WBP1L: variants seen among roughly 807,000 people sequenced by gnomAD.
WBP1L encodes WW domain binding protein 1-like.
WBP1L carries 17 observed loss-of-function variants against 33.7 expected under a neutral mutation model. The observed-to-expected ratio is 0.50, with a 90% CI of 0.34 to 0.76. The LOEUF (loss-of-function observed/expected upper bound fraction) is 0.76, where lower values mean the gene tolerates loss of function less well. WBP1L is among the 30% of genes least tolerant of loss of function. The probability of loss-of-function intolerance (pLI) is 0.01; values close to 1 mark genes in which losing one functional copy is unlikely to be tolerated. For missense variants in WBP1L, 389 were observed against 469.4 expected (o/e 0.83, Z 1.58); for synonymous variants, 173 against 190.8 (o/e 0.91, Z 0.77).
Position 102,809,999 on chromosome 10 carries a change from C to T in WBP1L, c.300C>T (p.Ile100=), listed in dbSNP as rs1227115137. 6.2e-7 allele frequency: 1 copy of T among 1,613,898 alleles called. No individual in the cohort carries two copies. Among genetic ancestry groups the T allele is most frequent in the African/African-American group, 1.3e-5 (1 of 74,942 alleles). ...AGGCCCAGCAGCGGCAACATGAAAT[C>T]AACCTGATCGCTTACCGAGAAGCCC... ...RLQAQQRQHE[I]NLIAYREAHN... Residue 100 remains isoleucine (I), a synonymous_variant, in exon 3 of 4, where the codon ATC becomes ATT. Transcript: ENST00000448841.
chr10:102,801,456 A>T (rs1387768199), intron 2 of WBP1L, among the ~76,000 whole-genome samples: 1 of 152,214 alleles, frequency 6.6e-6, no homozygotes, highest in African/African-American at 2.4e-5. Context: ...TGCAATTGTA[A>T]CAAGTTCCTA....
intron 1 of WBP1L, among the ~76,000 whole-genome samples, chr10:102,745,110 G>C (rs1225080879): frequency 6.6e-6 from 1 of 152,098 alleles, no homozygotes; most frequent in Non-Finnish European, 1.5e-5. Context: ...TTTCAGAAAG[G>C]CATACACACA....
intron 2 of WBP1L, among the ~76,000 whole-genome samples, chr10:102,807,991 G>C (rs7905248): frequency 1.3e-4 from 20 of 152,026 alleles, no homozygotes; most frequent in African/African-American, 4.6e-4. Flanking sequence ...AGGATCTCTT[G>C]AGCCCAGGGT....
At chr10:102,772,971 T>A (rs1178413839) in intron 1 of WBP1L, among the ~76,000 whole-genome samples, 1 of 150,660 alleles carries the variant, frequency 6.6e-6, no homozygotes, top group Admixed American at 6.6e-5. Context: ...TTGAATTTAA[T>A]TCTGCATTGG....
chr10:102,813,107 T>C lies in WBP1L; in HGVS notation c.868T>C (p.Phe290Leu). ...CCACCATGACGATGACCTCAAAGAG[T>C]TCAACACACTCATCGATGATGCTCT... Reference protein sequence around the residue: ...RGHHDDDLKEFNTLIDDALDG... With the variant: ...RGHHDDDLKELNTLIDDALDG... Residue 290 changes from phenylalanine to leucine, a missense_variant, in exon 4 of 4, where the codon TTC (phenylalanine) becomes CTC (leucine). By Grantham distance (22) the Phe-to-Leu change is conservative. Transcript: ENST00000448841. The C allele has an allele frequency of 6.2e-7, 1 of 1,613,372 alleles. No homozygotes were observed.
intron 1 of WBP1L, among the ~76,000 whole-genome samples, chr10:102,792,837 T>C (rs11191395): frequency 0.54 from 81,521 of 151,732 alleles, 22,570 homozygotes; most frequent in Middle Eastern, 0.64. Flanking sequence ...TCAAGTGATC[T>C]GCCTGCCTTG....
At chr10:102,764,843 A>C (rs1382577056) in intron 1 of WBP1L, among the ~76,000 whole-genome samples, 1 of 152,210 alleles carries the variant, frequency 6.6e-6, no homozygotes, top group Non-Finnish European at 1.5e-5. Flanking sequence ...TTCCAGCCAG[A>C]CCTTATTAAC....
In WBP1L at chr10:102,800,147, T is replaced by C. The variant is rs1843635602; in HGVS notation, c.193+2052T>C. ...GTGCCAAGCAGGTAGACAGACTCTG[T>C]TTAAATGTTTTAAAATGCAGATAAC... On this transcript the variant is annotated intron_variant, in intron 2 of 3. Transcript: ENST00000448841. 2.6e-5 allele frequency among the ~76,000 whole-genome samples: 4 copies of C among 152,172 alleles called. No individual in the cohort carries two copies. In the South Asian group the frequency reaches 8.3e-4, roughly 32 times the overall value.
At chr10:102,752,707 C>G (rs1842937189) in intron 1 of WBP1L, among the ~76,000 whole-genome samples, 1 of 152,242 alleles carries the variant, frequency 6.6e-6, no homozygotes, top group Non-Finnish European at 1.5e-5. Context: ...TTTCCTTTCC[C>G]CATTCCAAGT....
At chr10:102,749,687 C>T (rs1842906105) in intron 1 of WBP1L, among the ~76,000 whole-genome samples, 1 of 151,952 alleles carries the variant, frequency 6.6e-6, no homozygotes, top group Non-Finnish European at 1.5e-5. Context: ...GTCTTGAACT[C>T]CTTGGCTCAA....
At chr10:102,799,582 G>C (rs952062837) in intron 2 of WBP1L, among the ~76,000 whole-genome samples, 1 of 152,142 alleles carries the variant, frequency 6.6e-6, no homozygotes, top group Admixed American at 6.5e-5. Flanking sequence ...GAGGCCCCAG[G>C]TGACTGACAT....
At chr10:102,765,393 C>T (rs933960663) in intron 1 of WBP1L, among the ~76,000 whole-genome samples, 13 of 152,226 alleles carry the variant, frequency 8.5e-5, no homozygotes, top group African/African-American at 2.2e-4. Flanking sequence ...CCATCACGCC[C>T]GACTAATTTT....
intron 1 of WBP1L, among the ~76,000 whole-genome samples, chr10:102,767,214 G>A (rs1020341905): frequency 6.6e-6 from 1 of 152,220 alleles, no homozygotes; most frequent in African/African-American, 2.4e-5. Flanking sequence ...AGATGGCAGC[G>A]AATTGTTGTG....
intron 1 of WBP1L, among the ~76,000 whole-genome samples, chr10:102,763,820 TTC>T (rs1352488046): frequency 6.6e-6 from 1 of 152,138 alleles, no homozygotes; most frequent in East Asian, 1.9e-4. Context: ...TGAATTTTCT[TTC>T]TGTTTTTTTG....
chr10:102,759,794 T>C (rs559925579), intron 1 of WBP1L, among the ~76,000 whole-genome samples: 161 of 152,300 alleles, frequency 1.1e-3, no homozygotes, highest in Admixed American at 6.1e-3. Context: ...GCCTCCTGAG[T>C]AGCTGCAACT....
chr10:102,799,418 G>A lies in WBP1L; in HGVS notation c.193+1323G>A, dbSNP rs575472170. ...AACCACTTGCTTCTTCAAGTTGCAC[G>A]ACAGTGGTGATGGTGTTAGGGTCTT... is the stretch of plus-strand genomic sequence containing the variant. On this transcript the variant is annotated intron_variant, in intron 2 of 3. Coordinates refer to ENST00000448841, the MANE Select transcript of WBP1L (RefSeq NM_001083913.2). Among the ~76,000 whole-genome samples the A allele has an allele frequency of 3.3e-5, 5 of 152,278 alleles. No individual in the cohort carries two copies. The South Asian group carries it at 1.0e-3, about 32-fold the overall frequency.
intron 1 of WBP1L, among the ~76,000 whole-genome samples, chr10:102,766,663 T>C (rs1382933588): frequency 6.7e-6 from 1 of 150,268 alleles, no homozygotes; most frequent in Non-Finnish European, 1.5e-5. Context: ...TGAAACCATG[T>C]CTCTATTGAA....
chr10:102,747,441 C>T (rs1197286510), intron 1 of WBP1L, among the ~76,000 whole-genome samples: 1 of 151,822 alleles, frequency 6.6e-6, no homozygotes, highest in African/African-American at 2.4e-5. Flanking sequence ...CGTTTGTTTC[C>T]TCCAGTTAAA....
In WBP1L at chr10:102,813,078, G is replaced by A. The variant is rs201445852; in HGVS notation, c.839G>A (p.Arg280Gln). The A allele has an allele frequency of 1.2e-5, 20 of 1,613,732 alleles. No individual in the cohort carries two copies. The highest frequency in any genetic ancestry group is 5.3e-5 in the African/African-American group (4 of 74,900). Residue 280 changes from arginine (R) to glutamine (Q), a missense_variant, in exon 4 of 4, where the codon CGG (arginine) becomes CAG (glutamine). Arg to Gln is a conservative substitution (Grantham distance 43). Coordinates refer to ENST00000448841, the MANE Select transcript of WBP1L (RefSeq NM_001083913.2). ...GGCATTGAAGTGTGTGTGTGCAACCGGGGCCACCATGACGATGACCTCAAA... is the reference window on the plus strand; with the variant it reads ...GGCATTGAAGTGTGTGTGTGCAACCAGGGCCACCATGACGATGACCTCAAA... ...DSGIEVCVCN[R>Q]GHHDDDLKEF...
Sources: allele counts gnomAD v4.1 joint callset (sites outside exome capture counted in the v4.1 genomes callset), GRCh38; gene constraint gnomAD v4.1.1; transcripts MANE v1.5; gene names NCBI Gene and HGNC (gene_info 2026-07-23, HGNC 2026-07-21).